ARHGAP17: variants seen among roughly 807,000 people sequenced by gnomAD.
ARHGAP17 encodes the protein Rho GTPase activating protein 17, also known as rho GTPase-activating protein 17.
ARHGAP17 carries 57 observed loss-of-function variants against 99.5 expected under a neutral mutation model. The observed-to-expected ratio is 0.57, with a 90% CI of 0.46 to 0.71. ARHGAP17 has a LOEUF of 0.71. Ranked by LOEUF, ARHGAP17 falls within the 30% of genes least tolerant of loss-of-function variation. ARHGAP17 has a pLI of 0.00. For synonymous variants in ARHGAP17, 417 were observed against 429.6 expected (o/e 0.97, Z 0.36); for missense variants, 1,000 against 1,122.4 (o/e 0.89, Z 1.56).
chr16:24,961,302 A>G (rs2051990182), intron 7 of ARHGAP17, among the ~76,000 whole-genome samples: 2 of 152,160 alleles, frequency 1.3e-5, no homozygotes, highest in Admixed American at 1.3e-4. Context: ...TTCACGGTAC[A>G]CTGTTTTACA....
At chr16:24,940,831 T>C (rs1028189352) in intron 16 of ARHGAP17, among the ~76,000 whole-genome samples, 1 of 152,222 alleles carries the variant, frequency 6.6e-6, no homozygotes, top group African/African-American at 2.4e-5. Context: ...AACAACTTTT[T>C]CTTTCAGTTC....
intron 1 of ARHGAP17, among the ~76,000 whole-genome samples, chr16:25,007,480 C>T (rs970761171): frequency 6.6e-6 from 1 of 152,200 alleles, no homozygotes; most frequent in African/African-American, 2.4e-5. Context: ...ATCCTCCCAC[C>T]TGAGCCTCCC....
chr16:24,952,995 T>C lies in ARHGAP17; in HGVS notation c.900A>G (p.Lys300=), dbSNP rs557707165. The change falls in exon 11 of 20, where the codon AAA becomes AAG. Residue 300 remains lysine, a synonymous_variant. Transcript: ENST00000289968. ...GAGASKLKKL[K]AALDCSTSHL... The stretch of plus-strand genomic sequence containing the variant: ...GAGAAGTAGAACAGTCCAAAGCAGC[T>C]TTCAGCTTCTTTAACTTGGAGGCCC... The C allele has an allele frequency of 1.2e-6, 2 of 1,614,060 alleles. No individual in the cohort carries two copies. The highest frequency in any genetic ancestry group is 1.7e-6 in the Non-Finnish European group (2 of 1,180,034).
chr16:24,996,192 C>T (rs564547671), intron 1 of ARHGAP17, among the ~76,000 whole-genome samples: 33 of 152,304 alleles, frequency 2.2e-4, no homozygotes, highest in African/African-American at 7.5e-4. Flanking sequence ...AAATCCCTCT[C>T]TGCACTGAAG....
chr16:24,940,923 A>G (rs566260409), intron 16 of ARHGAP17, among the ~76,000 whole-genome samples: 1 of 152,360 alleles, frequency 6.6e-6, no homozygotes, highest in African/African-American at 2.4e-5. Context: ...CAGGTAACTG[A>G]GAATTGTCTG....
intron 9 of ARHGAP17, 26 bp downstream of exon 9, chr16:24,959,645 C>T: frequency 2.5e-6 from 4 of 1,609,126 alleles, no homozygotes; most frequent in Non-Finnish European, 3.4e-6. Flanking sequence ...AAGAAGGAAG[C>T]ATCAGCCGCA....
chr16:24,988,714 C>T (rs1412739039), intron 1 of ARHGAP17, among the ~76,000 whole-genome samples: 1 of 152,150 alleles, frequency 6.6e-6, no homozygotes, highest in Non-Finnish European at 1.5e-5. Flanking sequence ...TGGCTTTTTC[C>T]CCTCTGGCAC....
chr16:25,003,195 A>G (rs991767433), intron 1 of ARHGAP17, among the ~76,000 whole-genome samples: 1 of 150,470 alleles, frequency 6.6e-6, no homozygotes, highest in Non-Finnish European at 1.5e-5. Flanking sequence ...CAGCTTATAC[A>G]GGGCAAATAA....
At chr16:24,962,492 G>A (rs978286668) in intron 7 of ARHGAP17, among the ~76,000 whole-genome samples, 2 of 152,168 alleles carry the variant, frequency 1.3e-5, no homozygotes, top group Non-Finnish European at 2.9e-5. Context: ...CTGCTTTCAG[G>A]AGGGTTTAAA....
chr16:24,980,963 C>T (rs545254076), intron 1 of ARHGAP17, among the ~76,000 whole-genome samples: 3 of 152,250 alleles, frequency 2.0e-5, no homozygotes, highest in African/African-American at 7.2e-5. Context: ...AGAGATTCAA[C>T]CTGAGAATCA....
At chr16:24,960,292 C>A (rs1284065817) in intron 7 of ARHGAP17, among the ~76,000 whole-genome samples, 1 of 152,220 alleles carries the variant, frequency 6.6e-6, no homozygotes, top group Non-Finnish European at 1.5e-5. Flanking sequence ...TGCCTGTAAT[C>A]CCAGCACTTT....
At chr16:24,949,509 A>T in intron 12 of ARHGAP17, 25 bp from the exon 13 acceptor site, 1 of 1,595,878 alleles carries the variant, frequency 6.3e-7, no homozygotes, top group Admixed American at 1.7e-5. Flanking sequence ...TTTTAAGTAC[A>T]ACAACTTATT....
chr16:24,950,500 C>T (rs1183367807), intron 12 of ARHGAP17, among the ~76,000 whole-genome samples: 1 of 152,122 alleles, frequency 6.6e-6, no homozygotes, highest in East Asian at 1.9e-4. Flanking sequence ...AAAACCTCAC[C>T]ATCTACCAGG....
chr16:24,984,481 C>A lies in ARHGAP17; in HGVS notation c.54-5476G>T, dbSNP rs529525342. Among the ~76,000 whole-genome samples, 5 of 151,922 alleles carry A rather than the reference C, an allele frequency of 3.3e-5. No homozygotes were observed. The East Asian group carries it at 9.7e-4, about 29-fold the overall frequency. Reference sequence around the variant, plus strand: ...GGAGATCGAGACCACGGTGAAACCCCGTCTCTACTAAAAATACAAAAAAAA... The same window carrying A: ...GGAGATCGAGACCACGGTGAAACCCAGTCTCTACTAAAAATACAAAAAAAA... On this transcript the variant is annotated intron_variant, in intron 1 of 19. Transcript: ENST00000289968.
chr16:24,925,945 C>T (rs984738254), intron 19 of ARHGAP17, among the ~76,000 whole-genome samples: 3 of 151,728 alleles, frequency 2.0e-5, no homozygotes, highest in Admixed American at 6.6e-5. Flanking sequence ...CCTGTCTCTA[C>T]TAAAAATACA....
At chr16:24,952,423 C>A in intron 11 of ARHGAP17, 53 bp from the exon 12 acceptor site, 1 of 1,402,320 alleles carries the variant, frequency 7.1e-7, no homozygotes, top group Non-Finnish European at 1.0e-6. Flanking sequence ...GGCTAGGAAT[C>A]TTGGGACATA....
At chr16:24,967,678 C>T (rs367736606) in intron 6 of ARHGAP17, among the ~76,000 whole-genome samples, 1 of 151,614 alleles carries the variant, frequency 6.6e-6, no homozygotes, top group South Asian at 2.1e-4. Flanking sequence ...GTCCCAGCTA[C>T]CTGGGATGCC....
chr16:24,938,605 T>G (rs1278100760), intron 17 of ARHGAP17, among the ~76,000 whole-genome samples: 3 of 151,592 alleles, frequency 2.0e-5, no homozygotes, highest in African/African-American at 7.3e-5. Context: ...TTACCCCATC[T>G]TTACAAAAAT....
rs555711611 is a variant in ARHGAP17, at chr16:24,933,499, G to GA, written c.1894+1970dup. ...CCTGCCTCTAAAAAACATAAGAAAG[G>GA]AAAAAAAAAAAGAAAAAAGGGTAAA... is the stretch of plus-strand genomic sequence containing the variant. On this transcript the variant is annotated intron_variant, in intron 18 of 19. Transcript: ENST00000289968. 1.5e-3 allele frequency among the ~76,000 whole-genome samples: 208 copies of GA among 137,800 alleles called. 1 individual carries two copies. The highest frequency in any genetic ancestry group is 0.01 in the East Asian group (49 of 4,772). The allele number at this position is 137,800 out of a possible 152,430, so 90.4% of individuals were successfully genotyped here. A position where few individuals can be genotyped will look rare whatever the true frequency, so the allele number is the denominator to read the frequency against.
Sources: gnomAD v4.1 joint callset for allele counts (sites outside exome capture counted in the v4.1 genomes callset) on GRCh38, gnomAD v4.1.1 for gene constraint, MANE v1.5 for transcripts, NCBI Gene and HGNC (gene_info 2026-07-23, HGNC 2026-07-21) for gene names.